Variants in TEX11 observed in about 807,000 individuals in gnomAD.
TEX11 encodes testis-expressed protein 11.
Under a neutral mutation model 84.4 loss-of-function variants are expected in TEX11, and 7 were observed. That is an observed-to-expected ratio of 0.08 (90% CI 0.05 to 0.16). TEX11 has a LOEUF of 0.16. TEX11 is among the 10% of genes least tolerant of loss of function. The probability of loss-of-function intolerance (pLI) is 1.00; values close to 1 mark genes in which losing one functional copy is unlikely to be tolerated. For missense variants in TEX11, 551 were observed against 660.5 expected, an observed-to-expected ratio of 0.83 and a Z score of 1.82; for synonymous variants, 264 against 222.8, an observed-to-expected ratio of 1.18 and a Z score of -1.64.
chrX:70,842,785 C>G, intron 7 of TEX11, among the ~76,000 whole-genome samples: 1 of 111,944 alleles, frequency 8.9e-6, no homozygotes, highest in Non-Finnish European at 1.9e-5. Context: ...TCAGCAAAGT[C>G]TCCGGACACA....
At chrX:70,589,358 C>T (rs925106244) in intron 25 of TEX11, among the ~76,000 whole-genome samples, 3 of 109,129 alleles carry the variant, frequency 2.7e-5, no homozygotes, top group Non-Finnish European at 5.7e-5. Flanking sequence ...TATAGTCTAG[C>T]TGTGTGTATA....
At chrX:70,877,162 C>T (rs777616302) in intron 3 of TEX11, among the ~76,000 whole-genome samples, 23 of 109,996 alleles carry the variant, frequency 2.1e-4, no homozygotes, top group Admixed American at 7.8e-4. Flanking sequence ...GGTGTGGTGG[C>T]GCCTGCCTGT....
chrX:70,639,104 G>A (rs2089612493), intron 17 of TEX11, among the ~76,000 whole-genome samples: 1 of 111,803 alleles, frequency 8.9e-6, no homozygotes, highest in Non-Finnish European at 1.9e-5. Context: ...CACTCGGCGG[G>A]GGGAAGCGCA....
At chrX:70,530,347 T>C (rs1262113202) in intron 28 of TEX11, among the ~76,000 whole-genome samples, 1 of 112,086 alleles carries the variant, frequency 8.9e-6, no homozygotes, top group Non-Finnish European at 1.9e-5. Flanking sequence ...AATACCTACC[T>C]CTACTTTTCG....
intron 15 of TEX11, chrX:70,673,621 G>A (rs1392563417): frequency 2.2e-4 from 19 of 84,585 alleles, no homozygotes; most frequent in Non-Finnish European, 6.4e-5. Flanking sequence ...TAAGGTCAAG[G>A]GTTTTTTTTT....
At position 70,678,873 on chromosome X, in the gene TEX11, T is replaced by C; in HGVS notation, c.1173A>G (p.Arg391=). ...EEIFLAHQTG[R]QLTAESMNWL... ...AGTTCATTGATTCTGCTGTCAGTTG[T>C]CTTCCTGTTTGGTGAGCTGAAAAAA... The change falls in exon 15 of 30, where the codon AGA becomes AGG. Residue 391 remains arginine, a synonymous_variant. Coordinates refer to ENST00000374333, the MANE Select transcript of TEX11 (RefSeq NM_031276.3). The C allele has an allele frequency of 8.5e-7, 1 of 1,175,739 alleles. No individual in the cohort carries two copies. Among genetic ancestry groups the C allele is most frequent in the Non-Finnish European group, 1.1e-6 (1 of 882,142 alleles).
In TEX11 at chrX:70,553,383, A is replaced by G. The variant is rs1357687522; in HGVS notation, c.2322T>C (p.Pro774=). ...IIAMEKPAHY[P]LIALKALKKA... ...TTTTCAAGGCCTTGAGAGCAATCAA[A>G]GGATAGTGTGCAGGCTTTTCCATTG... Residue 774 remains proline (P), a synonymous_variant, in exon 27 of 30, where the codon CCT becomes CCC. Transcript: ENST00000374333. 8.3e-7 allele frequency: 1 copy of G among 1,208,310 alleles called. No homozygotes were observed. The highest frequency in any genetic ancestry group is 1.1e-6 in the Non-Finnish European group (1 of 893,472).
intron 9 of TEX11, among the ~76,000 whole-genome samples, chrX:70,801,930 T>C (rs73222716): frequency 0.073 from 8,074 of 110,916 alleles, 251 homozygotes; most frequent in East Asian, 0.12. Flanking sequence ...ACTATTATTT[T>C]ACAAACACTG....
intron 3 of TEX11, among the ~76,000 whole-genome samples, chrX:70,875,711 C>A (rs1173749435): frequency 9.0e-6 from 1 of 110,965 alleles, no homozygotes; most frequent in Non-Finnish European, 1.9e-5. Context: ...GATCGTGCCA[C>A]TGCACTCCAG....
intron 20 of TEX11, among the ~76,000 whole-genome samples, chrX:70,613,175 G>A (rs913779430): frequency 8.9e-6 from 1 of 111,732 alleles, no homozygotes; most frequent in South Asian, 3.8e-4. Context: ...CTCCCCCACC[G>A]TAGGAACACC....
chrX:70,856,523 T>C (rs1242883882), intron 5 of TEX11, among the ~76,000 whole-genome samples: 4 of 111,283 alleles, frequency 3.6e-5, no homozygotes, highest in Non-Finnish European at 7.5e-5. Context: ...ACAATATAAA[T>C]GCTATGTGAA....
At chrX:70,599,756 G>A (rs1180784982) in intron 24 of TEX11, among the ~76,000 whole-genome samples, 1 of 101,724 alleles carries the variant, frequency 9.8e-6, no homozygotes, top group East Asian at 3.1e-4. Flanking sequence ...ACCTATGAGT[G>A]AGAATATGCG....
chrX:70,568,917 G>A (rs2088540415), intron 25 of TEX11, among the ~76,000 whole-genome samples: 1 of 110,340 alleles, frequency 9.1e-6, no homozygotes, highest in Admixed American at 9.8e-5. Flanking sequence ...TATCTTTGTG[G>A]CGTTCTCTGT....
At chrX:70,701,555 T>C (rs2090326391) in intron 13 of TEX11, among the ~76,000 whole-genome samples, 2 of 112,371 alleles carry the variant, frequency 1.8e-5, no homozygotes, top group East Asian at 2.8e-4. Flanking sequence ...GAGATTAATG[T>C]TGTTTTCATG....
rs774869966 is a variant in TEX11, at chrX:70,832,476, A to T, written c.606+1037T>A. Among the ~76,000 whole-genome samples, 5 of 112,447 alleles carry T rather than the reference A, an allele frequency of 4.4e-5. No individual in the cohort carries two copies. The East Asian group carries it at 1.4e-3, about 31-fold the overall frequency. On this transcript the variant is annotated intron_variant, in intron 8 of 29. Transcript: ENST00000374333. ...GTTTTAAAAGTTTTTAAAGCCTAGA[A>T]GAATGTCTGATGTGACATATAACAG... is the stretch of plus-strand genomic sequence containing the variant.
chrX:70,747,911 A>T (rs971375171), intron 9 of TEX11, among the ~76,000 whole-genome samples: 2 of 111,253 alleles, frequency 1.8e-5, no homozygotes, highest in African/African-American at 3.3e-5. Context: ...ATTATTTTTT[A>T]AAAAAGAAAC....
chrX:70,587,510 T>C (rs5980974), intron 25 of TEX11, among the ~76,000 whole-genome samples: 31,935 of 111,926 alleles, frequency 0.29, 3,379 homozygotes, highest in Admixed American at 0.41. Flanking sequence ...GTGTTGTGCC[T>C]GTGGGTGCAC....
At chrX:70,616,887 C>CG (rs964389622) in intron 20 of TEX11, among the ~76,000 whole-genome samples, 31 of 110,602 alleles carry the variant, frequency 2.8e-4, no homozygotes, top group African/African-American at 8.5e-4. Context: ...GGAAGGGTTG[C>CG]GGGGGGTAGA....
chrX:70,881,005 C>CAAAAAAAAAAAA (rs11284342), intron 2 of TEX11, among the ~76,000 whole-genome samples: 24 of 46,195 alleles, frequency 5.2e-4, no homozygotes, highest in East Asian at 1.5e-3. Context: ...AGACATCATC[C>CAAAAAAAAAAAA]AAAAAAAAAA....
Sources: gnomAD v4.1 joint callset for allele counts (sites outside exome capture counted in the v4.1 genomes callset) on GRCh38, gnomAD v4.1.1 for gene constraint, MANE v1.5 for transcripts, NCBI Gene and HGNC (gene_info 2026-07-23, HGNC 2026-07-21) for gene names.